The following TNR variants were observed in gnomAD, a reference collection of about 807,000 sequenced individuals.
The protein encoded by TNR is tenascin R.
Under a neutral mutation model 150.4 loss-of-function variants are expected in TNR, and 45 were observed. That is an observed-to-expected ratio of 0.30 (90% CI 0.24 to 0.38). The LOEUF is 0.38. Ranked by LOEUF, TNR falls within the 10% of genes least tolerant of loss-of-function variation. TNR has a pLI of 1.00. For missense variants in TNR, 1,544 were observed against 1,759.1 expected (o/e 0.88, Z 2.19); for synonymous variants, 687 against 678.4 (o/e 1.01, Z -0.20).
Position 175,386,114 on chromosome 1 carries a change from C to G in TNR, c.1695G>C (p.Arg565=), listed in dbSNP as rs1234836825. The G allele has an allele frequency of 5.0e-6, 8 of 1,613,002 alleles. No homozygotes were observed. The highest frequency in any genetic ancestry group is 6.8e-6 in the Non-Finnish European group (8 of 1,179,120). ...CTGACACCTCGTATCGGGAGCCAGG[C>G]CGCAGGGCCTGCACTGAGTATTGGC... is the stretch of plus-strand genomic sequence containing the variant. ...PLSQYSVQAL[R]PGSRYEVSVS... Residue 565 remains arginine (R), a synonymous_variant, in exon 8 of 23, where the codon CGG becomes CGC. Coordinates refer to ENST00000367674, the MANE Select transcript of TNR (RefSeq NM_003285.3).
intron 1 of TNR, among the ~76,000 whole-genome samples, chr1:175,544,865 A>G (rs1383812569): frequency 6.6e-6 from 1 of 152,236 alleles, no homozygotes; most frequent in Non-Finnish European, 1.5e-5. Flanking sequence ...GGCTTGGGCC[A>G]TGTGGCTGGC....
chr1:175,727,683 G>A (rs1667516227), intron 1 of TNR, among the ~76,000 whole-genome samples: 4 of 152,190 alleles, frequency 2.6e-5, no homozygotes, highest in Admixed American at 2.0e-4. Context: ...GCCTGAGATG[G>A]TGTGGTCCAG....
At chr1:175,569,468 T>A (rs1661776185) in intron 1 of TNR, among the ~76,000 whole-genome samples, 1 of 152,228 alleles carries the variant, frequency 6.6e-6, no homozygotes, top group Admixed American at 6.5e-5. Context: ...ACTGGATCTC[T>A]GCTTTCAAGC....
At position 175,317,016 on chromosome 1, in the gene TNR, A is replaced by C. The variant is rs887869753; in HGVS notation, c.*6341T>G. On this transcript the variant is annotated 3_prime_UTR_variant, in exon 23 of 23. Coordinates refer to ENST00000367674, the MANE Select transcript of TNR (RefSeq NM_003285.3). The stretch of plus-strand genomic sequence containing the variant: ...AATCAAGGGCTTCAAAATTAGACAA[A>C]GGTTCAGATTATGGCTCTATTTAGT... 2 of 152,202 alleles carry C rather than the reference A, an allele frequency of 1.3e-5. No individual in the cohort carries two copies. Among genetic ancestry groups the C allele is most frequent in the African/African-American group, 4.8e-5 (2 of 41,458 alleles). 9.4% of individuals were successfully genotyped at this position (152,202 alleles called of 1,614,324 possible).
intron 1 of TNR, among the ~76,000 whole-genome samples, chr1:175,651,722 G>A (rs959037573): frequency 3.0e-4 from 45 of 151,976 alleles, no homozygotes; most frequent in South Asian, 6.2e-4. Context: ...ATTTCATGAG[G>A]CTAATATTAT....
intron 18 of TNR, among the ~76,000 whole-genome samples, chr1:175,352,433 C>G (rs188694715): frequency 5.3e-5 from 8 of 152,308 alleles, no homozygotes; most frequent in Admixed American, 5.2e-4. Context: ...AAAAGAAATT[C>G]TTAATTCAAT....
intron 1 of TNR, among the ~76,000 whole-genome samples, chr1:175,654,981 C>A (rs1665129968): frequency 6.6e-6 from 1 of 152,190 alleles, no homozygotes; most frequent in Non-Finnish European, 1.5e-5. Context: ...CTCAGCCTCC[C>A]AAAGTGCTGG....
intron 1 of TNR, among the ~76,000 whole-genome samples, chr1:175,572,507 G>A (rs1286465232): frequency 6.6e-6 from 1 of 152,112 alleles, no homozygotes; most frequent in Non-Finnish European, 1.5e-5. Flanking sequence ...GTGTACAGGA[G>A]AGGGAGAAGC....
intron 14 of TNR, 94 bp downstream of exon 14, chr1:175,362,569 G>A: frequency 6.6e-7 from 1 of 1,503,880 alleles, no homozygotes; most frequent in South Asian, 1.3e-5. Context: ...CCGAAATGGA[G>A]CCTTAGCCTC....
intron 1 of TNR, among the ~76,000 whole-genome samples, chr1:175,584,983 G>A (rs77607475): frequency 1.3e-5 from 2 of 152,156 alleles, no homozygotes; most frequent in African/African-American, 4.8e-5. Context: ...GGGTGTGTCT[G>A]CACGTCATTG....
At chr1:175,487,603 T>G (rs919363525) in intron 2 of TNR, among the ~76,000 whole-genome samples, 2 of 152,178 alleles carry the variant, frequency 1.3e-5, no homozygotes, top group African/African-American at 4.8e-5. Context: ...TCAGACAGTC[T>G]AAGATTAACC....
chr1:175,686,020 G>C (rs1161470125), intron 1 of TNR, among the ~76,000 whole-genome samples: 2 of 152,004 alleles, frequency 1.3e-5, no homozygotes, highest in Non-Finnish European at 2.9e-5. Context: ...CACCAGGCTT[G>C]AGACTGGATC....
At chr1:175,465,798 C>T (rs1044527822) in intron 2 of TNR, among the ~76,000 whole-genome samples, 1 of 152,192 alleles carries the variant, frequency 6.6e-6, no homozygotes, top group Non-Finnish European at 1.5e-5. Context: ...GGCAATCTGC[C>T]CACACTCACT....
At chr1:175,457,642 G>A (rs1274029250) in intron 2 of TNR, among the ~76,000 whole-genome samples, 1 of 152,056 alleles carries the variant, frequency 6.6e-6, no homozygotes, top group African/African-American at 2.4e-5. Flanking sequence ...AGACCTTGAA[G>A]CAAAAAAACA....
intron 1 of TNR, among the ~76,000 whole-genome samples, chr1:175,694,733 TG>T (rs1666461989): frequency 6.6e-6 from 1 of 152,186 alleles, no homozygotes; most frequent in African/African-American, 2.4e-5. Flanking sequence ...CCCCTATGGC[TG>T]GTGTTTTTAT....
At chr1:175,420,997 T>C (rs1482005208) in intron 2 of TNR, among the ~76,000 whole-genome samples, 2 of 141,156 alleles carry the variant, frequency 1.4e-5, no homozygotes, top group African/African-American at 5.7e-5. Flanking sequence ...GCTCTCTGAA[T>C]TTTTTTTTAA....
chr1:175,490,514 C>G (rs1249128848), intron 2 of TNR, among the ~76,000 whole-genome samples: 1 of 151,982 alleles, frequency 6.6e-6, no homozygotes, highest in African/African-American at 2.4e-5. Flanking sequence ...AAGGAACTTA[C>G]ACAAATTTAC....
At chr1:175,528,121 C>G (rs958012989) in intron 2 of TNR, 148 bp downstream of exon 2, 3 of 152,242 alleles carry the variant, frequency 2.0e-5, no homozygotes, top group African/African-American at 7.2e-5. Flanking sequence ...GGAGCTAATG[C>G]TGTTGACCAC....
intron 2 of TNR, among the ~76,000 whole-genome samples, chr1:175,474,634 A>G (rs1452753431): frequency 6.6e-6 from 1 of 152,206 alleles, no homozygotes; most frequent in Non-Finnish European, 1.5e-5. Context: ...AGGGCATGAG[A>G]GGGCATCCGT....
Sources: gnomAD v4.1 joint callset for allele counts (sites outside exome capture counted in the v4.1 genomes callset) on GRCh38, gnomAD v4.1.1 for gene constraint, MANE v1.5 for transcripts, NCBI Gene and HGNC (gene_info 2026-07-23, HGNC 2026-07-21) for gene names.